PMFBP1: variants seen among roughly 807,000 people sequenced by gnomAD.
PMFBP1 encodes polyamine modulated factor 1 binding protein 1, also known as polyamine-modulated factor 1-binding protein 1.
In PMFBP1, 131 loss-of-function variants were observed where a neutral mutation model predicts 137.8. The ratio of observed to expected loss-of-function variants is 0.95; its 90% CI spans 0.82 to 1.10. PMFBP1 has a LOEUF of 1.10. Among genes scored for constraint, PMFBP1 ranks in the 50% least tolerant of loss-of-function variants. The probability of loss-of-function intolerance (pLI) is 0.00; values close to 1 mark genes in which losing one functional copy is unlikely to be tolerated. For missense variants in PMFBP1, 1,199 were observed against 1,175.4 expected (o/e 1.02, Z -0.29); for synonymous variants, 490 against 450.4 (o/e 1.09, Z -1.11).
At chr16:72,124,052 C>A (rs1275741058) in intron 17 of PMFBP1, among the ~76,000 whole-genome samples, 2 of 152,136 alleles carry the variant, frequency 1.3e-5, no homozygotes, top group African/African-American at 4.8e-5. Flanking sequence ...CTCTGTCATT[C>A]AGGCTGGAGT....
At chr16:72,144,211 T>C (rs932906669) in intron 5 of PMFBP1, among the ~76,000 whole-genome samples, 3 of 152,046 alleles carry the variant, frequency 2.0e-5, no homozygotes, top group African/African-American at 4.8e-5. Context: ...AGTAAAAATA[T>C]GTCATATTCC....
rs1280007082 is a variant in PMFBP1, at chr16:72,128,525, T to C, written c.2088+132A>G. On this transcript the variant is annotated intron_variant, in intron 14 of 20. Coordinates refer to ENST00000237353, the MANE Select transcript of PMFBP1 (RefSeq NM_031293.3). The stretch of plus-strand genomic sequence containing the variant: ...GCCAATGGGGAGGGAAGTAGAGCTG[T>C]AGGTGGCCCAGGATCCGCAGTTGGC... 8 of 1,571,736 alleles carry C rather than the reference T, an allele frequency of 5.1e-6. No homozygotes were observed. In the Admixed American group the frequency reaches 1.5e-4, roughly 29 times the overall value.
chr16:72,169,560 T>C (rs762058283), intron 2 of PMFBP1, among the ~76,000 whole-genome samples: 16 of 152,112 alleles, frequency 1.1e-4, no homozygotes, highest in Admixed American at 7.9e-4. Flanking sequence ...TCTTTTAAAA[T>C]TGGTGTATAC....
At chr16:72,191,946 A>C in the PMFBP1 span, among the ~76,000 whole-genome samples, 1 of 152,220 alleles carries the variant, frequency 6.6e-6, no homozygotes, top group African/African-American at 2.4e-5. Context: ...CTCTGTAGCT[A>C]ATACATTCAG....
the PMFBP1 span, among the ~76,000 whole-genome samples, chr16:72,195,566 AT>A: frequency 1.3e-5 from 2 of 152,164 alleles, no homozygotes; most frequent in African/African-American, 4.8e-5. Context: ...ATGTTACTTT[AT>A]GGAGAACTCA....
At chr16:72,125,455 C>G (rs757606169) in intron 15 of PMFBP1, 50 bp from the exon 16 acceptor site, 1 of 1,582,636 alleles carries the variant, frequency 6.3e-7, no homozygotes, top group Non-Finnish European at 8.6e-7. Context: ...CTTTGACCCT[C>G]TCTGCTGAGT....
chr16:72,235,984 G>A, the PMFBP1 span, among the ~76,000 whole-genome samples: 1 of 151,996 alleles, frequency 6.6e-6, no homozygotes, highest in Non-Finnish European at 1.5e-5. Context: ...GCTTTTAATT[G>A]TTTTTCTTGC....
At chr16:72,219,030 T>C in the PMFBP1 span, among the ~76,000 whole-genome samples, 22 of 152,336 alleles carry the variant, frequency 1.4e-4, no homozygotes, top group Middle Eastern at 6.8e-3. Context: ...AAAATATCAA[T>C]TTATGACATA....
At chr16:72,122,777 A>C (rs2042394461) in intron 19 of PMFBP1, 137 bp downstream of exon 19, 1 of 711,510 alleles carries the variant, frequency 1.4e-6, no homozygotes, top group South Asian at 1.9e-5. Flanking sequence ...TGCAGATTCG[A>C]GACCTGGGGG....
At chr16:72,240,326 C>T in the PMFBP1 span, among the ~76,000 whole-genome samples, 2 of 152,212 alleles carry the variant, frequency 1.3e-5, no homozygotes, top group African/African-American at 4.8e-5. Context: ...CCAAATTATT[C>T]TAATGTTTCA....
At chr16:72,241,663 T>C in the PMFBP1 span, among the ~76,000 whole-genome samples, 2 of 152,190 alleles carry the variant, frequency 1.3e-5, no homozygotes, top group Non-Finnish European at 2.9e-5. Context: ...AAGGCTGTTT[T>C]CATCTACTAA....
the PMFBP1 span, among the ~76,000 whole-genome samples, chr16:72,207,281 G>T: frequency 1.3e-5 from 2 of 152,120 alleles, no homozygotes; most frequent in Non-Finnish European, 2.9e-5. Flanking sequence ...GATGGTGATG[G>T]CCTCAGAAAT....
In PMFBP1 at chr16:72,138,054, C is replaced by T. The variant is rs372293423; in HGVS notation, c.918+1235G>A. Among the ~76,000 whole-genome samples, 34 of 152,150 alleles carry T rather than the reference C, an allele frequency of 2.2e-4. 2 individuals are homozygous for T. Among genetic ancestry groups the T allele is most frequent in the Admixed American group, 1.2e-3 (18 of 15,296 alleles). On this transcript the variant is annotated intron_variant, in intron 7 of 20. Coordinates refer to ENST00000237353, the MANE Select transcript of PMFBP1 (RefSeq NM_031293.3). ...AGGGCTTTGGAAAGGAAACATAATGCGGTGGGGGAAGGTGTATTCTGCTTC... is the reference window on the plus strand; with the variant it reads ...AGGGCTTTGGAAAGGAAACATAATGTGGTGGGGGAAGGTGTATTCTGCTTC...
chr16:72,150,862 C>A, intron 4 of PMFBP1, 33 bp from the exon 5 acceptor site: 1 of 1,574,570 alleles, frequency 6.4e-7, no homozygotes, highest in East Asian at 2.2e-5. Flanking sequence ...ACATTGAGCC[C>A]ATGGAAGCAC....
chr16:72,192,498 G>A, the PMFBP1 span, among the ~76,000 whole-genome samples: 1 of 152,084 alleles, frequency 6.6e-6, no homozygotes, highest in East Asian at 1.9e-4. Context: ...TGGAATTAAA[G>A]TCCTTAAAAA....
the PMFBP1 span, among the ~76,000 whole-genome samples, chr16:72,223,662 A>G: frequency 2.0e-5 from 3 of 152,234 alleles, no homozygotes; most frequent in South Asian, 2.1e-4. Flanking sequence ...AGGGCCAACA[A>G]GCTAGAGCTG....
the PMFBP1 span, among the ~76,000 whole-genome samples, chr16:72,221,087 C>A: frequency 6.6e-6 from 1 of 151,938 alleles, no homozygotes; most frequent in Admixed American, 6.6e-5. Context: ...ACCAAAAGCC[C>A]ATAAAGTCTG....
Position 72,139,321 on chromosome 16 carries a change from T to C in PMFBP1, c.886A>G (p.Ser296Gly). ...SCTATHRYPP[S>G]SSEECEDIKK... is the part of the protein sequence containing the mutation. ...ATGTCTTCACACTCTTCTGAGGAGC[T>C]AGGAGGGTATCTGTGGGTGGCTGTA... The change falls in exon 7 of 21, where the codon AGC (serine) becomes GGC (glycine). Residue 296 changes from serine (S) to glycine (G), a missense_variant. Coordinates refer to ENST00000237353, the MANE Select transcript of PMFBP1 (RefSeq NM_031293.3). The C allele has an allele frequency of 6.2e-7, 1 of 1,613,988 alleles. No homozygotes were observed. Among genetic ancestry groups the C allele is most frequent in the Non-Finnish European group, 8.5e-7 (1 of 1,179,872 alleles).
chr16:72,119,286 T>C lies in PMFBP1; in HGVS notation c.*52A>G. The C allele has an allele frequency of 1.9e-6, 3 of 1,580,042 alleles. No homozygotes were observed. The highest frequency in any genetic ancestry group is 3.3e-5 in the Admixed American group (2 of 59,970). Reference sequence around the variant, plus strand: ...GAGAGAGGGAGGGCTGGGAACTCACTGTCCTCTGAAGAAACACCCGTGGAA... The same window carrying C: ...GAGAGAGGGAGGGCTGGGAACTCACCGTCCTCTGAAGAAACACCCGTGGAA... On this transcript the variant is annotated 3_prime_UTR_variant, in exon 21 of 21. Coordinates refer to ENST00000237353, the MANE Select transcript of PMFBP1 (RefSeq NM_031293.3).
Sources: allele counts gnomAD v4.1 joint callset (sites outside exome capture counted in the v4.1 genomes callset), GRCh38; gene constraint gnomAD v4.1.1; transcripts MANE v1.5; gene names NCBI Gene and HGNC (gene_info 2026-07-23, HGNC 2026-07-21).